The following PIGL variants were observed in gnomAD, a reference collection of about 807,000 sequenced individuals.
The protein encoded by PIGL is N-acetylglucosaminyl-phosphatidylinositol de-N-acetylase.
PIGL carries 22 observed loss-of-function variants against 31.1 expected under a neutral mutation model. That is an observed-to-expected ratio of 0.71 (90% confidence interval 0.51 to 1.01). The LOEUF is 1.01. Ranked by LOEUF, PIGL falls within the 50% of genes least tolerant of loss-of-function variation. The pLI, the probability that PIGL is intolerant of heterozygous loss-of-function variation, is 0.00. For synonymous variants in PIGL, 131 were observed against 117.4 expected (o/e 1.12, Z -0.75); for missense variants, 302 against 315.9 (o/e 0.96, Z 0.33).
At chr17:16,294,058 C>T (rs1006656327) in intron 2 of PIGL, among the ~76,000 whole-genome samples, 1 of 152,174 alleles carries the variant, frequency 6.6e-6, no homozygotes, top group Non-Finnish European at 1.5e-5. Context: ...GAAAGGCTCA[C>T]AGGAACAGGT....
At chr17:16,316,791 A>G (rs2142870630) in intron 5 of PIGL, 79 bp downstream of exon 5, 1 of 1,593,632 alleles carries the variant, frequency 6.3e-7, no homozygotes. Flanking sequence ...TTGCAAATCC[A>G]CAGAGAGCTG....
In PIGL at chr17:16,313,568, G is replaced by A. The variant is rs767526938; in HGVS notation, c.448G>A (p.Gly150Arg). Residue 150 changes from glycine to arginine, a missense_variant, in exon 4 of 7, where the codon GGA (glycine) becomes AGA (arginine). Gly to Arg is a moderately radical substitution (Grantham distance 125). Coordinates refer to ENST00000225609, the MANE Select transcript of PIGL (RefSeq NM_004278.4). ...ACAGGTGGTGACTTTCGATGCAGGG[G>A]GAGTAAGTGGCCACAGCAATCACAT... Reference protein sequence around the residue: ...INLVVTFDAGGVSGHSNHIAL... With the variant: ...INLVVTFDAGRVSGHSNHIAL... The A allele has an allele frequency of 6.2e-7, 1 of 1,613,938 alleles. No homozygotes were observed. Among genetic ancestry groups the A allele is most frequent in the South Asian group, 1.1e-5 (1 of 91,080 alleles).
At chr17:16,309,717 T>C (rs1234395046) in intron 3 of PIGL, among the ~76,000 whole-genome samples, 1 of 149,088 alleles carries the variant, frequency 6.7e-6, no homozygotes, top group Non-Finnish European at 1.5e-5. Context: ...GCCGAGAAAT[T>C]GCGCCACTGC....
intron 2 of PIGL, among the ~76,000 whole-genome samples, chr17:16,288,691 C>T (rs533954392): frequency 6.6e-6 from 1 of 152,232 alleles, no homozygotes; most frequent in Non-Finnish European, 1.5e-5. Flanking sequence ...AGGCACGCAC[C>T]ACTGTGCCCG....
At chr17:16,305,498 A>G (rs3112513) in intron 3 of PIGL, among the ~76,000 whole-genome samples, 63,247 of 152,096 alleles carry the variant, frequency 0.42, 13,981 homozygotes, top group East Asian at 0.76. Flanking sequence ...GACAGGTGCC[A>G]TTGTCATGTA....
chr17:16,271,376 A>G (rs2092871426), intron 2 of PIGL, among the ~76,000 whole-genome samples: 1 of 152,184 alleles, frequency 6.6e-6, no homozygotes, highest in African/African-American at 2.4e-5. Context: ...TTTTTTCACA[A>G]CTAGCATTTT....
chr17:16,260,269 C>T (rs1318427819), intron 2 of PIGL, among the ~76,000 whole-genome samples: 1 of 152,218 alleles, frequency 6.6e-6, no homozygotes, highest in Non-Finnish European at 1.5e-5. Context: ...TGAAGCCCCA[C>T]CTTCAAGCCA....
chr17:16,245,333 G>C (rs905238718), intron 2 of PIGL, among the ~76,000 whole-genome samples: 10 of 151,584 alleles, frequency 6.6e-5, no homozygotes, highest in African/African-American at 2.2e-4. Context: ...TGCCGTGTTG[G>C]CCAGGCTGGT....
chr17:16,254,520 G>A (rs970937930), intron 2 of PIGL, among the ~76,000 whole-genome samples: 9 of 152,020 alleles, frequency 5.9e-5, no homozygotes, highest in South Asian at 2.1e-4. Flanking sequence ...CGCCCACCTC[G>A]GCCTCCCAAA....
chr17:16,286,796 T>C (rs2092939884), intron 2 of PIGL, among the ~76,000 whole-genome samples: 1 of 152,116 alleles, frequency 6.6e-6, no homozygotes. Context: ...CGCAATGCCA[T>C]CATGTTAATG....
At chr17:16,285,956 G>C (rs1568823094) in intron 2 of PIGL, among the ~76,000 whole-genome samples, 1 of 152,230 alleles carries the variant, frequency 6.6e-6, no homozygotes, top group Non-Finnish European at 1.5e-5. Context: ...CTCAGACCAG[G>C]AGACAGTTGC....
intron 2 of PIGL, chr17:16,281,963 G>T (rs2092918154): frequency 4.3e-6 from 2 of 462,476 alleles, no homozygotes; most frequent in Non-Finnish European, 9.3e-6. Context: ...TTCTGCTATT[G>T]CCCCCAGACA....
chr17:16,218,220 C>T (rs1426711446), intron 1 of PIGL: 2 of 152,166 alleles, frequency 1.3e-5, no homozygotes, highest in Non-Finnish European at 2.9e-5. Flanking sequence ...TTGCCCATGA[C>T]CTCTTTTCCC....
chr17:16,226,166 A>G (rs2092651361), intron 1 of PIGL, among the ~76,000 whole-genome samples: 1 of 152,152 alleles, frequency 6.6e-6, no homozygotes, highest in East Asian at 1.9e-4. Context: ...AAAACAAACA[A>G]CAACAAGAAA....
chr17:16,302,265 A>G (rs923760085), intron 3 of PIGL, among the ~76,000 whole-genome samples: 14 of 152,012 alleles, frequency 9.2e-5, no homozygotes, highest in Admixed American at 6.6e-5. Context: ...CTCCCTGCCT[A>G]CCCTTCCCAG....
intron 2 of PIGL, among the ~76,000 whole-genome samples, chr17:16,242,845 T>C (rs1036158460): frequency 4.6e-5 from 7 of 151,940 alleles, no homozygotes; most frequent in African/African-American, 1.7e-4. Flanking sequence ...CTTGAACTCC[T>C]GACCACAAAT....
At chr17:16,234,628 A>G (rs2092692291) in intron 2 of PIGL, among the ~76,000 whole-genome samples, 1 of 152,044 alleles carries the variant, frequency 6.6e-6, no homozygotes, top group Admixed American at 6.6e-5. Context: ...AGCCGGGCGT[A>G]TTGGCCTACG....
chr17:16,277,225 G>A (rs2092899703), intron 2 of PIGL, among the ~76,000 whole-genome samples: 1 of 152,178 alleles, frequency 6.6e-6, no homozygotes, highest in African/African-American at 2.4e-5. Flanking sequence ...AGGAAAGAGT[G>A]TCATTCCAGT....
intron 1 of PIGL, among the ~76,000 whole-genome samples, chr17:16,224,951 T>C (rs534444642): frequency 6.6e-6 from 1 of 152,352 alleles, no homozygotes; most frequent in African/African-American, 2.4e-5. Context: ...CCACAGTGCG[T>C]GGCCCTTGCT....
Sources: gnomAD v4.1 joint callset for allele counts (sites outside exome capture counted in the v4.1 genomes callset) on GRCh38, gnomAD v4.1.1 for gene constraint, MANE v1.5 for transcripts, NCBI Gene and HGNC (gene_info 2026-07-23, HGNC 2026-07-21) for gene names.